SLC27A3: variants seen among roughly 807,000 people sequenced by gnomAD.
SLC27A3 encodes long-chain fatty acid transport protein 3.
A neutral mutation model predicts 60.1 loss-of-function variants in SLC27A3; 60 were observed. The ratio of observed to expected loss-of-function variants is 1.00; its 90% CI spans 0.81 to 1.24. The LOEUF is 1.24. SLC27A3 is among the 50% of genes most tolerant of loss of function. The probability of loss-of-function intolerance (pLI) is 0.00; values close to 1 mark genes in which losing one functional copy is unlikely to be tolerated. For synonymous variants in SLC27A3, 455 were observed against 409.0 expected (o/e 1.11, Z -1.36); for missense variants, 1,079 against 929.9 (o/e 1.16, Z -2.09).
rs779860149 is a variant in SLC27A3, at chr1:153,779,346, A to G, written c.1748A>G (p.His583Arg). 2.4e-5 allele frequency: 39 copies of G among 1,613,898 alleles called. No individual in the cohort carries two copies. The South Asian group carries it at 3.3e-4, about 14-fold the overall frequency. Residue 583 changes from histidine to arginine, a missense_variant, in exon 9 of 10, where the codon CAT (histidine) becomes CGT (arginine). Coordinates refer to ENST00000624995, the MANE Select transcript of SLC27A3 (RefSeq NM_024330.4). Reference sequence around the variant, plus strand: ...CTCTGTCTCCCACACCCACCAGGGCATGAAGGCAGGGCTGGAATGGCAGCC... The same window carrying G: ...CTCTGTCTCCCACACCCACCAGGGCGTGAAGGCAGGGCTGGAATGGCAGCC... ...VNVYGVTVPG[H>R]EGRAGMAALV...
At chr1:153,776,927 G>A in intron 2 of SLC27A3, 135 bp from the exon 3 acceptor site, 1 of 1,067,862 alleles carries the variant, frequency 9.4e-7, no homozygotes, top group Admixed American at 2.1e-5. Context: ...ATATTTCCAG[G>A]ACAGCCTGGT....
chr1:153,776,843 C>T (rs1275705210), intron 2 of SLC27A3, 116 bp downstream of exon 2: 3 of 1,039,034 alleles, frequency 2.9e-6, no homozygotes, highest in East Asian at 2.6e-5. Flanking sequence ...ATTGGCACAT[C>T]CTTTTTCTCC....
At position 153,775,672 on chromosome 1, in the gene SLC27A3, G is replaced by T; in HGVS notation, c.175G>T (p.Glu59Ter). The change falls in exon 1 of 10, where the codon GAA becomes TAA. Residue 59 changes from glutamate to a stop codon, truncating the protein, a stop_gained. Transcript: ENST00000624995. LOFTEE classifies it high-confidence loss of function. ...CCTGGCCGCGGCTGCCGCCGACCCG[G>T]AAGGTCCCGAGGGGGGCTGCAGCCT... is the stretch of plus-strand genomic sequence containing the variant. ...RALAAAAADP[E>*]GPEGGCSLAW... The T allele has an allele frequency of 6.5e-7, 1 of 1,536,580 alleles. No individual in the cohort carries two copies. Among genetic ancestry groups the T allele is most frequent in the South Asian group, 1.2e-5 (1 of 81,652 alleles).
At chr1:153,779,610 G>A in intron 9 of SLC27A3, 137 bp downstream of exon 9, 1 of 1,086,942 alleles carries the variant, frequency 9.2e-7, no homozygotes, top group Non-Finnish European at 1.3e-6. Context: ...TCCGTGAAGA[G>A]AAAAAACACG....
Position 153,775,713 on chromosome 1 carries a change from G to A in SLC27A3, c.216G>A (p.Ala72=). The A allele has an allele frequency of 6.5e-7, 1 of 1,528,384 alleles. No individual in the cohort carries two copies. The highest frequency in any genetic ancestry group is 8.8e-7 in the Non-Finnish European group (1 of 1,142,636). 94.7% of individuals were successfully genotyped at this position (1,528,384 alleles called of 1,614,324 possible). Residue 72 remains alanine, a synonymous_variant, in exon 1 of 10, where the codon GCG becomes GCA. Transcript: ENST00000624995. ...EGGCSLAWRL[A]ELAQQRAAHT... ...GCTGCAGCCTGGCCTGGCGCCTCGC[G>A]GAACTGGCCCAGCAGCGCGCCGCGC...
intron 2 of SLC27A3, 62 bp downstream of exon 2, chr1:153,776,789 T>C (rs1673253562): frequency 6.7e-7 from 1 of 1,489,546 alleles, no homozygotes; most frequent in Non-Finnish European, 9.3e-7. Context: ...AGGGGTCTGC[T>C]CCCAGACCAC....
Position 153,775,555 on chromosome 1 carries a change from C to G in SLC27A3, c.58C>G (p.Leu20Val). ...LLLLPLLLLK[L>V]HLWPQLRWLP... is the part of the protein sequence containing the mutation. ...GTTGCTACCGCTGCTGCTGCTGAAG[C>G]TACACCTCTGGCCGCAGTTGCGCTG... The change falls in exon 1 of 10, where the codon CTA (leucine) becomes GTA (valine). Residue 20 changes from leucine to valine, a missense_variant. By Grantham distance (32) the Leu-to-Val change is conservative. Transcript: ENST00000624995. The G allele has an allele frequency of 6.2e-7, 1 of 1,611,836 alleles. No homozygotes were observed. Among genetic ancestry groups the G allele is most frequent in the South Asian group, 1.1e-5 (1 of 91,076 alleles).
Position 153,776,634 on chromosome 1 carries a change from T to C in SLC27A3, c.784T>C (p.Ser262Pro), listed in dbSNP as rs1320221120. ...AGISDLLAEV[S>P]AEVDGPVPGY... ...AATTAGCGATTTGCTGGCTGAAGTG[T>C]CCGCTGAAGTGGATGGGCCAGTGCC... Residue 262 changes from serine to proline, a missense_variant, in exon 2 of 10, where the codon TCC becomes CCC. Physicochemically the swap from Ser to Pro is moderately conservative, Grantham distance 74 (BLOSUM62 -1). Transcript: ENST00000624995. The C allele has an allele frequency of 1.2e-6, 2 of 1,614,122 alleles. No homozygotes were observed. The highest frequency in any genetic ancestry group is 1.7e-6 in the Non-Finnish European group (2 of 1,180,020).
intron 3 of SLC27A3, 30 bp from the exon 4 acceptor site, chr1:153,777,731 C>CTT (rs1553242644): frequency 4.3e-6 from 7 of 1,611,932 alleles, no homozygotes; most frequent in Non-Finnish European, 5.1e-6. Context: ...AATCTTACCT[C>CTT]CCTTCTTCCC....
intron 6 of SLC27A3, 45 bp downstream of exon 6, chr1:153,778,598 C>T (rs1673364809): frequency 3.1e-6 from 5 of 1,609,152 alleles, no homozygotes; most frequent in South Asian, 1.1e-5. Context: ...GAAGCTGGCA[C>T]AGGAGGACTG....
chr1:153,779,577 A>G, intron 9 of SLC27A3, 104 bp downstream of exon 9: 1 of 1,336,990 alleles, frequency 7.5e-7, no homozygotes, highest in Non-Finnish European at 1.0e-6. Flanking sequence ...AAACTCCACA[A>G]AGGGACCCCC....
chr1:153,776,136 CG>C lies in SLC27A3; in HGVS notation c.641del (p.Gly214AlafsTer22). 7.0e-7 allele frequency: 1 copy of C among 1,436,422 alleles called. No individual in the cohort carries two copies. The highest frequency in any genetic ancestry group is 9.0e-7 in the Non-Finnish European group (1 of 1,108,080). 89.0% of individuals were successfully genotyped at this position (1,436,422 alleles called of 1,614,324 possible). ...CCCTGCTGCACTGCCTCCGCAGCTG[CG>C]GCGCGCGCGCGCTGGTGCTGGCGCC... ...GPLLHCLRSC[G>X]ARALVLAPEF... is the part of the protein sequence containing the mutation. On this transcript the variant is annotated frameshift_variant, in exon 1 of 10. Transcript: ENST00000624995. LOFTEE classifies it high-confidence loss of function.
Position 153,778,793 on chromosome 1 carries a change from G to A in SLC27A3, c.1554G>A (p.Arg518=), listed in dbSNP as rs774368105. 5.6e-6 allele frequency: 9 copies of A among 1,614,120 alleles called. No homozygotes were observed. The East Asian group carries it at 1.1e-4, about 20-fold the overall frequency. The change falls in exon 7 of 10, where the codon CGG becomes CGA. Residue 518 remains arginine, a synonymous_variant. Coordinates refer to ENST00000624995, the MANE Select transcript of SLC27A3 (RefSeq NM_024330.4). ...AQGKLLKDVF[R]PGDVFFNTGD... ...GGAAGTTGCTAAAGGATGTCTTCCG[G>A]CCTGGGGATGTTTTCTTCAACACTG...
intron 4 of SLC27A3, 23 bp from the exon 5 acceptor site, chr1:153,778,138 G>A (rs374003035): frequency 5.9e-5 from 94 of 1,587,790 alleles, no homozygotes; most frequent in Middle Eastern, 3.6e-4. Flanking sequence ...CTGAAGCTCC[G>A]GCCCCTCTCC....
At chr1:153,778,137 C>A (rs766139360) in intron 4 of SLC27A3, 24 bp from the exon 5 acceptor site, 2 of 1,586,154 alleles carry the variant, frequency 1.3e-6, no homozygotes, top group South Asian at 2.3e-5. Flanking sequence ...GCTGAAGCTC[C>A]GGCCCCTCTC....
intron 9 of SLC27A3, 124 bp downstream of exon 9, chr1:153,779,597 C>T (rs1673434961): frequency 8.5e-7 from 1 of 1,172,520 alleles, no homozygotes; most frequent in Non-Finnish European, 1.2e-6. Context: ...CAACGTAATA[C>T]ACTCCGTGAA....
Position 153,778,265 on chromosome 1 carries a change from G to A in SLC27A3, c.1266G>A (p.Leu422=). 4 of 1,614,186 alleles carry A rather than the reference G, an allele frequency of 2.5e-6. No homozygotes were observed. The highest frequency in any genetic ancestry group is 3.4e-6 in the Non-Finnish European group (4 of 1,180,034). The change falls in exon 5 of 10, where the codon CTG becomes CTA. Residue 422 remains leucine, a synonymous_variant. Transcript: ENST00000624995. ...GGCGCTTCGGGCCCCTGCAGGTGCT[G>A]GAGACATATGGACTGACAGAGGGCA... ...FVRRFGPLQV[L]ETYGLTEGNV...
In SLC27A3 at chr1:153,776,125, C is replaced by G. The variant is rs774020233; in HGVS notation, c.628C>G (p.Leu210Val). 3 of 1,456,104 alleles carry G rather than the reference C, an allele frequency of 2.1e-6. No individual in the cohort carries two copies. The highest frequency in any genetic ancestry group is 1.5e-5 in the African/African-American group (1 of 68,192). 90.2% of individuals were successfully genotyped at this position (1,456,104 alleles called of 1,614,324 possible). A position where few individuals can be genotyped will look rare whatever the true frequency, so the allele number is the denominator to read the frequency against. Reference sequence around the variant, plus strand: ...GCGCCGGGGCCCCCTGCTGCACTGCCTCCGCAGCTGCGGCGCGCGCGCGCT... The same window carrying G: ...GCGCCGGGGCCCCCTGCTGCACTGCGTCCGCAGCTGCGGCGCGCGCGCGCT... Reference protein sequence around the residue: ...ALRRGPLLHCLRSCGARALVL... With the variant: ...ALRRGPLLHCVRSCGARALVL... The change falls in exon 1 of 10, where the codon CTC becomes GTC. Residue 210 changes from leucine (L) to valine (V), a missense_variant. Coordinates refer to ENST00000624995, the MANE Select transcript of SLC27A3 (RefSeq NM_024330.4).
chr1:153,775,891 C>G lies in SLC27A3; in HGVS notation c.394C>G (p.Arg132Gly). Residue 132 changes from arginine to glycine, a missense_variant, in exon 1 of 10, where the codon CGG becomes GGG. Physicochemically the swap from Arg to Gly is moderately radical, Grantham distance 125. Transcript: ENST00000624995. ...CGAGGGGAGCGCTGGAGAAGGCGAG[C>G]GGGCAGCGCCGGGAGCCGGAGATGC... The part of the protein sequence containing the change: ...SGEGSAGEGE[R>G]AAPGAGDAAA... The G allele has an allele frequency of 6.8e-7, 1 of 1,476,652 alleles. No homozygotes were observed. The highest frequency in any genetic ancestry group is 8.9e-7 in the Non-Finnish European group (1 of 1,120,128). 91.5% of individuals were successfully genotyped at this position (1,476,652 alleles called of 1,614,324 possible).
Sources: gnomAD v4.1 joint callset for allele counts on GRCh38, gnomAD v4.1.1 for gene constraint, MANE v1.5 for transcripts, NCBI Gene and HGNC (gene_info 2026-07-23, HGNC 2026-07-21) for gene names.